Variants in LLGL1 observed in about 807,000 individuals in gnomAD.
The protein encoded by LLGL1 is LLGL scribble cell polarity complex component 1.
Under a neutral mutation model 110.6 loss-of-function variants are expected in LLGL1, and 58 were observed. The ratio of observed to expected loss-of-function variants is 0.52; its 90% CI spans 0.42 to 0.65. The LOEUF (loss-of-function observed/expected upper bound fraction) is 0.65, where lower values mean the gene tolerates loss of function less well. Among genes scored for constraint, LLGL1 ranks in the 30% least tolerant of loss-of-function variants. LLGL1 has a pLI of 0.00. For synonymous variants in LLGL1, 674 were observed against 607.2 expected (o/e 1.11, Z -1.62); for missense variants, 1,229 against 1,462.1 (o/e 0.84, Z 2.60).
At position 18,240,561 on chromosome 17, in the gene LLGL1, G is replaced by A. The variant is rs768063775; in HGVS notation, c.2207-17G>A. ...TGGCCCACAGGGAGCACCCTCCTACGCGCTTGTTTTCTGCAGGGGCCCACC... is the reference window on the plus strand; with the variant it reads ...TGGCCCACAGGGAGCACCCTCCTACACGCTTGTTTTCTGCAGGGGCCCACC... On this transcript the variant is annotated splice_polypyrimidine_tract_variant and intron_variant, in intron 16 of 22. Transcript: ENST00000316843. This position sits in a 1 kb window ranked among gnomAD's most constrained non-coding sequence, Gnocchi z 5.3. The A allele has an allele frequency of 4.4e-6, 7 of 1,574,254 alleles. No homozygotes were observed. The highest frequency in any genetic ancestry group is 1.7e-5 in the Admixed American group (1 of 58,110).
chr17:18,241,798 A>C, intron 18 of LLGL1, 83 bp downstream of exon 18: 1 of 1,607,436 alleles, frequency 6.2e-7, no homozygotes. Flanking sequence ...CAGGAAGGGC[A>C]CTCCAGGTGG....
rs1063686 is a variant in LLGL1, at chr17:18,237,637, C to T, written c.1768C>T (p.Arg590Cys). The change falls in exon 14 of 23, where the codon CGT becomes TGT. Residue 590 changes from arginine (R) to cysteine (C), a missense_variant. Physicochemically the swap from Arg to Cys is radical, Grantham distance 180. Coordinates refer to ENST00000316843, the MANE Select transcript of LLGL1 (RefSeq NM_004140.4). Reference sequence around the variant, plus strand: ...GCCCTGGCCTGCTGGCTTCCAGCCCCGTGTCCTGGTGCAGTGCCTGCCGCC... The same window carrying T: ...GCCCTGGCCTGCTGGCTTCCAGCCCTGTGTCCTGGTGCAGTGCCTGCCGCC... ...PLPWPAGFQP[R>C]VLVQCLPPAA... 7 of 1,611,882 alleles carry T rather than the reference C, an allele frequency of 4.3e-6. No homozygotes were observed. In the Admixed American group the frequency reaches 5.0e-5, roughly 12 times the overall value.
In LLGL1 at chr17:18,236,678, C is replaced by T. The variant is rs779878241; in HGVS notation, c.1424C>T (p.Thr475Ile). 55 of 1,612,776 alleles carry T rather than the reference C, an allele frequency of 3.4e-5. No homozygotes were observed. Among genetic ancestry groups the T allele is most frequent in the Admixed American group, 1.0e-4 (6 of 60,008 alleles). The change falls in exon 12 of 23, where the codon ACA becomes ATA. Residue 475 changes from threonine to isoleucine, a missense_variant. Coordinates refer to ENST00000316843, the MANE Select transcript of LLGL1 (RefSeq NM_004140.4). ...VALRPLYKLS[T>I]AGLFQTDCEH... ...CTGCGGCCGCTCTATAAGCTGAGCACAGCTGGCCTCTTCCAGACAGACTGT... is the reference window on the plus strand; with the variant it reads ...CTGCGGCCGCTCTATAAGCTGAGCATAGCTGGCCTCTTCCAGACAGACTGT...
In LLGL1 at chr17:18,240,947, C is replaced by A; in HGVS notation, c.2502+74C>A. On this transcript the variant is annotated intron_variant, in intron 17 of 22. Transcript: ENST00000316843. This position sits in a 1 kb window ranked among gnomAD's most constrained non-coding sequence, Gnocchi z 5.3. ...CCCAACCTCATGGACACCATTGGACCCTCAAGAAACCCTTCCTGCCTGTAT... is the reference window on the plus strand; with the variant it reads ...CCCAACCTCATGGACACCATTGGACACTCAAGAAACCCTTCCTGCCTGTAT... 5.8e-6 allele frequency: 8 copies of A among 1,383,084 alleles called. No individual in the cohort carries two copies. In the South Asian group the frequency reaches 1.2e-4, roughly 21 times the overall value. The allele number at this position is 1,383,084 out of a possible 1,614,324, so 85.7% of individuals were successfully genotyped here.
chr17:18,233,055 T>C (rs1328716915), intron 4 of LLGL1, among the ~76,000 whole-genome samples: 2 of 152,148 alleles, frequency 1.3e-5, no homozygotes, highest in Admixed American at 6.5e-5. Flanking sequence ...CAGCAGGAGG[T>C]ACATGCATTA....
intron 1 of LLGL1, among the ~76,000 whole-genome samples, chr17:18,227,688 G>A (rs1260502102): frequency 6.6e-6 from 1 of 152,220 alleles, no homozygotes; most frequent in African/African-American, 2.4e-5. Context: ...GCCATGCCTG[G>A]CCTAAATGTC....
Position 18,237,086 on chromosome 17 carries a change from G to C in LLGL1, c.1611+147G>C. On this transcript the variant is annotated intron_variant, in intron 13 of 22. Transcript: ENST00000316843. The stretch of plus-strand genomic sequence containing the variant: ...CTCTGGGTGGGGCTGGCTGGGGTGA[G>C]GACAGATGGGAAGTGGGCCTGTCGC... 5.9e-6 allele frequency: 4 copies of C among 681,758 alleles called. No individual in the cohort carries two copies. In the East Asian group the frequency reaches 1.1e-4, roughly 19 times the overall value. The allele number at this position is 681,758 out of a possible 1,614,324, so 42.2% of individuals were successfully genotyped here. A position where few individuals can be genotyped will look rare whatever the true frequency, so the allele number is the denominator to read the frequency against.
intron 22 of LLGL1, among the ~76,000 whole-genome samples, chr17:18,243,638 G>C (rs1489318258): frequency 6.6e-6 from 1 of 152,204 alleles, no homozygotes; most frequent in Non-Finnish European, 1.5e-5. Context: ...GCACCTGACT[G>C]TAGGCCATAG....
intron 11 of LLGL1, 200 bp from the exon 12 acceptor site, chr17:18,236,407 A>G: frequency 1.7e-6 from 1 of 576,082 alleles, no homozygotes; most frequent in South Asian, 2.3e-5. Context: ...CATATGGTGC[A>G]TGTGGCCTGG....
intron 2 of LLGL1, among the ~76,000 whole-genome samples, chr17:18,230,739 G>C (rs1001940528): frequency 6.6e-6 from 1 of 152,108 alleles, no homozygotes; most frequent in African/African-American, 2.4e-5. Context: ...GGCCTTCTGG[G>C]TTTCAGTATC....
chr17:18,241,792 A>G (rs1251697363), intron 18 of LLGL1, 77 bp downstream of exon 18: 2 of 1,608,238 alleles, frequency 1.2e-6, no homozygotes, highest in Non-Finnish European at 1.7e-6. Flanking sequence ...TGGGAGCAGG[A>G]AGGGCACTCC....
intron 11 of LLGL1, chr17:18,236,230 A>C: frequency 5.0e-6 from 1 of 201,396 alleles, no homozygotes; most frequent in Non-Finnish European, 1.0e-5. Flanking sequence ...CTCCCCCGGG[A>C]TGCCCCATGC....
rs780960319 is a variant in LLGL1, at chr17:18,242,206, G to A, written c.2923G>A (p.Gly975Arg). ...GTCACCCAAGCTGAGCCAGGCTAAC[G>A]GGACCCCAAGCATCCTGCTGGCCCC... is the stretch of plus-strand genomic sequence containing the variant. ...RESPKLSQAN[G>R]TPSILLAPQS... is the part of the protein sequence containing the mutation. The change falls in exon 20 of 23, where the codon GGG becomes AGG. Residue 975 changes from glycine (G) to arginine (R), a missense_variant. Physicochemically the swap from Gly to Arg is moderately radical, Grantham distance 125 (BLOSUM62 -2). Transcript: ENST00000316843. The A allele has an allele frequency of 1.3e-4, 208 of 1,613,944 alleles. No homozygotes were observed. Among genetic ancestry groups the A allele is most frequent in the Non-Finnish European group, 1.7e-4 (201 of 1,179,990 alleles).
chr17:18,242,833 G>A lies in LLGL1; in HGVS notation c.*1+11G>A. 6.5e-7 allele frequency: 1 copy of A among 1,545,280 alleles called. No homozygotes were observed. Among genetic ancestry groups the A allele is most frequent in the Non-Finnish European group, 8.7e-7 (1 of 1,145,188 alleles). ...TCCTGATCAAATGAGGTGCTGCAGG[G>A]GTGGGGCCCTGGTCCTCACCACTGG... On this transcript the variant is annotated intron_variant, in intron 22 of 22. Transcript: ENST00000316843.
intron 4 of LLGL1, 128 bp from the exon 5 acceptor site, chr17:18,233,650 C>G: frequency 3.1e-6 from 3 of 961,186 alleles, no homozygotes; most frequent in Non-Finnish European, 4.7e-6. Flanking sequence ...TGGGGTGGCT[C>G]TGTAAGTAGG....
intron 16 of LLGL1, among the ~76,000 whole-genome samples, chr17:18,239,585 A>G (rs1487411170): frequency 6.6e-6 from 1 of 152,128 alleles, no homozygotes; most frequent in Non-Finnish European, 1.5e-5. Flanking sequence ...TGTCACTGAC[A>G]GCCACTGCTC....
chr17:18,243,454 G>A (rs529485718), intron 22 of LLGL1, among the ~76,000 whole-genome samples: 1 of 152,254 alleles, frequency 6.6e-6, no homozygotes. Context: ...TTTGGGGCTT[G>A]GGAGCTGGTT....
intron 13 of LLGL1, 94 bp downstream of exon 13, chr17:18,237,033 AC>A: frequency 1.7e-6 from 2 of 1,143,442 alleles, no homozygotes; most frequent in Non-Finnish European, 2.5e-6. Flanking sequence ...ATGGACTGGC[AC>A]AGGCAAAAGC....
In LLGL1 at chr17:18,237,610, C is replaced by T. The variant is rs1230718753; in HGVS notation, c.1741C>T (p.Leu581=). ...GCGGCTGAGCCCACGCACGGGGCCG[C>T]TGCCCTGGCCTGCTGGCTTCCAGCC... ...HERLSPRTGP[L]PWPAGFQPRV... is the part of the protein sequence containing the mutation. Residue 581 remains leucine, a synonymous_variant, in exon 14 of 23, where the codon CTG becomes TTG. Transcript: ENST00000316843. 1 of 1,611,218 alleles carries T rather than the reference C, an allele frequency of 6.2e-7. No homozygotes were observed. Among genetic ancestry groups the T allele is most frequent in the Admixed American group, 1.7e-5 (1 of 59,988 alleles).
Sources: allele counts gnomAD v4.1 joint callset (sites outside exome capture counted in the v4.1 genomes callset), GRCh38; gene constraint gnomAD v4.1.1; non-coding constraint Gnocchi (gnomAD v3.1); transcripts MANE v1.5; gene names NCBI Gene and HGNC (gene_info 2026-07-23, HGNC 2026-07-21).